Variants in RSPH9 observed in about 807,000 individuals in gnomAD.
The protein encoded by RSPH9 is radial spoke head component 9.
In RSPH9, 27 loss-of-function variants were observed where a neutral mutation model predicts 27.0. The observed-to-expected ratio is 1.00, with a 90% CI of 0.74 to 1.38. The LOEUF is 1.38. RSPH9 is among the 40% of genes most tolerant of loss of function. The probability of loss-of-function intolerance (pLI) is 0.00; values close to 1 mark genes in which losing one functional copy is unlikely to be tolerated. For missense variants in RSPH9, 347 were observed against 357.4 expected (o/e 0.97, Z 0.24); for synonymous variants, 145 against 147.7 (o/e 0.98, Z 0.13).
chr6:43,645,577 A>G (rs1249442764), intron 1 of RSPH9, among the ~76,000 whole-genome samples: 2 of 150,768 alleles, frequency 1.3e-5, no homozygotes, highest in African/African-American at 2.5e-5. Flanking sequence ...GGGCGGGGCA[A>G]TGGACGGGCG....
Position 43,656,619 on chromosome 6 carries a change from A to C in RSPH9, c.566A>C (p.His189Pro). Residue 189 changes from histidine to proline, a missense_variant, in exon 4 of 5, where the codon CAT becomes CCT. Coordinates refer to ENST00000372163, the MANE Select transcript of RSPH9 (RefSeq NM_152732.5). ...SEAKKLSSYF[H>P]FREPVELKNK... ...GCCAAGAAGCTCAGCTCCTACTTCC[A>C]TTTCAGGGAGCCTGTTGAGCTAAAG... 6.2e-7 allele frequency: 1 copy of C among 1,614,100 alleles called. No individual in the cohort carries two copies. Among genetic ancestry groups the C allele is most frequent in the East Asian group, 2.2e-5 (1 of 44,872 alleles).
intron 4 of RSPH9, among the ~76,000 whole-genome samples, chr6:43,659,624 C>T (rs545604353): frequency 4.6e-5 from 7 of 152,096 alleles, no homozygotes; most frequent in African/African-American, 7.2e-5. Flanking sequence ...CCTCGTGATC[C>T]GCCTGCCTCA....
At chr6:43,665,960 G>T (rs921163671) in intron 4 of RSPH9, among the ~76,000 whole-genome samples, 3 of 152,020 alleles carry the variant, frequency 2.0e-5, no homozygotes, top group African/African-American at 7.2e-5. Context: ...CGAGTAGCTG[G>T]GACTACAGGT....
intron 1 of RSPH9, among the ~76,000 whole-genome samples, chr6:43,647,217 T>C (rs1022086452): frequency 2.6e-5 from 4 of 151,252 alleles, no homozygotes; most frequent in Non-Finnish European, 5.9e-5. Context: ...GACAAACTTG[T>C]TGGCTGGGGA....
At chr6:43,668,753 C>A (rs1174807582) in intron 4 of RSPH9, among the ~76,000 whole-genome samples, 1 of 152,246 alleles carries the variant, frequency 6.6e-6, no homozygotes, top group Non-Finnish European at 1.5e-5. Flanking sequence ...CTAGCCCAGG[C>A]AGGCTGCAAG....
At chr6:43,649,399 C>T (rs1582378142) in intron 1 of RSPH9, among the ~76,000 whole-genome samples, 1 of 151,888 alleles carries the variant, frequency 6.6e-6, no homozygotes, top group Non-Finnish European at 1.5e-5. Context: ...ACCATGTTGG[C>T]CAGGCTGGTC....
At chr6:43,668,896 T>C (rs552903007) in intron 4 of RSPH9, among the ~76,000 whole-genome samples, 2 of 152,216 alleles carry the variant, frequency 1.3e-5, no homozygotes, top group African/African-American at 4.8e-5. Context: ...GGGAATCGGA[T>C]CTCCCTGGGT....
chr6:43,669,264 G>C (rs1773467312), intron 4 of RSPH9, among the ~76,000 whole-genome samples: 1 of 152,226 alleles, frequency 6.6e-6, no homozygotes, highest in African/African-American at 2.4e-5. Flanking sequence ...CCACTGCACG[G>C]TGCTAAAGTG....
chr6:43,668,567 C>T (rs1773386652), intron 4 of RSPH9, among the ~76,000 whole-genome samples: 1 of 152,200 alleles, frequency 6.6e-6, no homozygotes, highest in African/African-American at 2.4e-5. Flanking sequence ...ACACTGCCCC[C>T]CGCCCCCTGC....
At chr6:43,652,501 C>T (rs1771584251) in intron 2 of RSPH9, among the ~76,000 whole-genome samples, 1 of 150,708 alleles carries the variant, frequency 6.6e-6, no homozygotes, top group Non-Finnish European at 1.5e-5. Flanking sequence ...TCTTGGTTCA[C>T]TGCAACCTCT....
chr6:43,646,415 G>A (rs1351709217), intron 1 of RSPH9, among the ~76,000 whole-genome samples: 2 of 151,360 alleles, frequency 1.3e-5, no homozygotes, highest in Admixed American at 6.6e-5. Flanking sequence ...ATCACCCACC[G>A]CGCTTGGCAA....
Position 43,657,063 on chromosome 6 carries a change from A to G in RSPH9, c.670+340A>G, listed in dbSNP as rs568900199. On this transcript the variant is annotated intron_variant, in intron 4 of 4. Transcript: ENST00000372163. ...TAGCCATACTTACATCTCAACTGTT[A>G]CTTTTGGGATTCTGGTATTTAGGGA... 3.3e-5 allele frequency among the ~76,000 whole-genome samples: 5 copies of G among 152,318 alleles called. No homozygotes were observed. The South Asian group carries it at 8.3e-4, about 25-fold the overall frequency.
chr6:43,653,549 G>T (rs1372794178), intron 2 of RSPH9, among the ~76,000 whole-genome samples: 2 of 151,988 alleles, frequency 1.3e-5, no homozygotes, highest in African/African-American at 2.4e-5. Context: ...AACAAGTAAG[G>T]AGCCTATGTT....
intron 4 of RSPH9, among the ~76,000 whole-genome samples, chr6:43,663,518 C>T (rs1258428455): frequency 5.9e-5 from 9 of 152,148 alleles, no homozygotes; most frequent in Non-Finnish European, 1.0e-4. Flanking sequence ...TGCGCCCAGC[C>T]TCTGTAGAGT....
chr6:43,664,328 TTGAG>T (rs1772924715), intron 4 of RSPH9, among the ~76,000 whole-genome samples: 1 of 152,036 alleles, frequency 6.6e-6, no homozygotes, highest in South Asian at 2.1e-4. Context: ...CCTCCCGGGT[TTGAG>T]TGATTCTACT....
chr6:43,671,123 G>C lies in RSPH9; in HGVS notation c.*174G>C. ...CATTTCTAAACCAAGTGGCAGAGGG[G>C]TTGGAATGTGCTAATGAAAGAGATT... On this transcript the variant is annotated 3_prime_UTR_variant, in exon 5 of 5. Transcript: ENST00000372163. 1 of 731,200 alleles carries C rather than the reference G, an allele frequency of 1.4e-6. No homozygotes were observed. The highest frequency in any genetic ancestry group is 2.3e-6 in the Non-Finnish European group (1 of 437,128). 45.3% of individuals were successfully genotyped at this position (731,200 alleles called of 1,614,324 possible). A position where few individuals can be genotyped will look rare whatever the true frequency, so the allele number is the denominator to read the frequency against.
At chr6:43,666,346 C>T (rs1022675424) in intron 4 of RSPH9, 78 of 1,174,574 alleles carry the variant, frequency 6.6e-5, no homozygotes, top group Non-Finnish European at 8.8e-5. Flanking sequence ...GAAGAGTTCC[C>T]TGGGACACCA....
At chr6:43,662,558 G>A (rs1391986699) in intron 4 of RSPH9, among the ~76,000 whole-genome samples, 6 of 151,832 alleles carry the variant, frequency 4.0e-5, no homozygotes, top group Non-Finnish European at 7.4e-5. Flanking sequence ...TAGTAGAGAC[G>A]GGGTTTCACC....
intron 1 of RSPH9, among the ~76,000 whole-genome samples, chr6:43,649,905 G>A (rs1771273144): frequency 6.6e-6 from 1 of 152,106 alleles, no homozygotes; most frequent in South Asian, 2.1e-4. Context: ...TATTACATAT[G>A]AGGAGTGGGT....
Sources: gnomAD v4.1 joint callset for allele counts (sites outside exome capture counted in the v4.1 genomes callset) on GRCh38, gnomAD v4.1.1 for gene constraint, MANE v1.5 for transcripts, NCBI Gene and HGNC (gene_info 2026-07-23, HGNC 2026-07-21) for gene names.